Variants in EXOC6 observed in about 807,000 individuals in gnomAD.
The protein encoded by EXOC6 is SEC15-like 1.
In EXOC6, 60 loss-of-function variants were observed where a neutral mutation model predicts 112.5. The ratio of observed to expected loss-of-function variants is 0.53; its 90% CI spans 0.43 to 0.66. EXOC6 has a LOEUF of 0.66. Ranked by LOEUF, EXOC6 falls within the 30% of genes least tolerant of loss-of-function variation. The probability of loss-of-function intolerance (pLI) is 0.00; values close to 1 mark genes in which losing one functional copy is unlikely to be tolerated. For missense variants in EXOC6, 855 were observed against 957.1 expected, an observed-to-expected ratio of 0.89 and a Z score of 1.41; for synonymous variants, 295 against 308.0, an observed-to-expected ratio of 0.96 and a Z score of 0.44.
intron 17 of EXOC6, among the ~76,000 whole-genome samples, chr10:92,967,834 G>T (rs1842130257): frequency 6.6e-6 from 1 of 152,128 alleles, no homozygotes; most frequent in Non-Finnish European, 1.5e-5. Flanking sequence ...TGAGGTTTAG[G>T]GTTCTCTTAT....
chr10:93,033,100 G>A (rs1397875612), intron 20 of EXOC6, among the ~76,000 whole-genome samples: 1 of 152,100 alleles, frequency 6.6e-6, no homozygotes, highest in African/African-American at 2.4e-5. Context: ...TAAGGAGTTT[G>A]GATCATAGGT....
At chr10:92,962,817 G>A (rs1854086580) in intron 17 of EXOC6, among the ~76,000 whole-genome samples, 1 of 152,170 alleles carries the variant, frequency 6.6e-6, no homozygotes, top group Non-Finnish European at 1.5e-5. Flanking sequence ...GTGTGTAATA[G>A]TAGATGAATT....
rs76378219 is a variant in EXOC6 at position 92,863,093 on chromosome 10, A to G, written c.101+14459A>G. On this transcript the variant is annotated intron_variant, in intron 1 of 21. Coordinates refer to ENST00000260762, the MANE Select transcript of EXOC6 (RefSeq NM_019053.6). ...CTGTAGATGATGGACTTTAACAGCT[A>G]TGGCTAATTAATCAGTGTAACCAAT... Among the ~76,000 whole-genome samples, 441 of 152,348 alleles carry G rather than the reference A, an allele frequency of 2.9e-3. 2 individuals carry two copies. The highest frequency in any genetic ancestry group is 0.01 in the African/African-American group (421 of 41,574).
chr10:92,863,128 A>T (rs1847987395), intron 1 of EXOC6, among the ~76,000 whole-genome samples: 1 of 152,248 alleles, frequency 6.6e-6, no homozygotes, highest in Non-Finnish European at 1.5e-5. Flanking sequence ...TAATATGAGA[A>T]TGGAAGAGAG....
intron 1 of EXOC6, among the ~76,000 whole-genome samples, chr10:92,859,753 G>A (rs1376679139): frequency 1.3e-5 from 2 of 151,932 alleles, no homozygotes; most frequent in Non-Finnish European, 2.9e-5. Flanking sequence ...ACCTTAACCT[G>A]CAACAATCTT....
intron 1 of EXOC6, among the ~76,000 whole-genome samples, chr10:92,876,508 G>T (rs1848693290): frequency 2.0e-5 from 3 of 152,156 alleles, no homozygotes; most frequent in Non-Finnish European, 2.9e-5. Context: ...TTTAATCACT[G>T]TGCTTTGCCT....
intron 19 of EXOC6, 57 bp downstream of exon 19, chr10:92,997,672 A>G (rs1843556194): frequency 6.9e-7 from 1 of 1,455,600 alleles, no homozygotes; most frequent in East Asian, 2.4e-5. Context: ...CTTAAATTAT[A>G]TGAAAAAATG....
chr10:92,882,708 T>C (rs1050656221), intron 1 of EXOC6, among the ~76,000 whole-genome samples: 1 of 152,194 alleles, frequency 6.6e-6, no homozygotes. Context: ...CTCACATGGT[T>C]GTTACTGAAA....
chr10:92,864,688 T>G (rs754552420), intron 1 of EXOC6, among the ~76,000 whole-genome samples: 4 of 152,112 alleles, frequency 2.6e-5, no homozygotes, highest in Non-Finnish European at 5.9e-5. Context: ...AAGGGTGAAT[T>G]CTTTCTCTCT....
At chr10:92,966,557 C>G (rs1289534946) in intron 17 of EXOC6, among the ~76,000 whole-genome samples, 4 of 149,932 alleles carry the variant, frequency 2.7e-5, no homozygotes, top group African/African-American at 9.8e-5. Context: ...TTGGTCCTTG[C>G]GATAGTTTAC....
At chr10:92,931,474 T>A (rs190636526) in intron 9 of EXOC6, among the ~76,000 whole-genome samples, 1 of 151,878 alleles carries the variant, frequency 6.6e-6, no homozygotes, top group Non-Finnish European at 1.5e-5. Flanking sequence ...TGTGTAATGA[T>A]CAAATCAGAG....
intron 18 of EXOC6, among the ~76,000 whole-genome samples, chr10:92,985,271 C>T (rs569360447): frequency 1.8e-4 from 27 of 152,140 alleles, no homozygotes; most frequent in Admixed American, 1.3e-3. Context: ...TTTTCCATCC[C>T]GTTTCTCATT....
At chr10:92,885,951 A>G (rs1039988835) in intron 1 of EXOC6, among the ~76,000 whole-genome samples, 3 of 152,136 alleles carry the variant, frequency 2.0e-5, no homozygotes, top group African/African-American at 7.2e-5. Context: ...TAATTTTCTA[A>G]TGTTCGCTCT....
intron 18 of EXOC6, among the ~76,000 whole-genome samples, chr10:92,985,111 C>T (rs1268683207): frequency 6.6e-6 from 1 of 152,142 alleles, no homozygotes; most frequent in Non-Finnish European, 1.5e-5. Flanking sequence ...CCCCTCTGCT[C>T]TCCTGTGCTC....
intron 8 of EXOC6, 35 bp from the exon 9 acceptor site, chr10:92,928,304 G>A: frequency 8.3e-7 from 1 of 1,208,040 alleles, no homozygotes; most frequent in Non-Finnish European, 1.2e-6. Flanking sequence ...GTGTGTGTAT[G>A]TGTATTTTTC....
intron 20 of EXOC6, among the ~76,000 whole-genome samples, chr10:93,044,251 T>C (rs192467422): frequency 6.6e-6 from 1 of 152,342 alleles, no homozygotes; most frequent in Admixed American, 6.5e-5. Context: ...GGTAATTACA[T>C]ATACAATCAG....
intron 17 of EXOC6, among the ~76,000 whole-genome samples, chr10:92,958,049 AC>A (rs1291959832): frequency 2.6e-5 from 4 of 152,180 alleles, no homozygotes; most frequent in African/African-American, 9.7e-5. Context: ...ATATGCACAC[AC>A]AAGCTACCTG....
rs187418481 is a variant in EXOC6, at chr10:92,963,865, G to A, written c.1773+8151G>A. Among the ~76,000 whole-genome samples the A allele has an allele frequency of 3.2e-3, 493 of 152,056 alleles. 2 individuals are homozygous for A. Among genetic ancestry groups the A allele is most frequent in the African/African-American group, 0.011 (456 of 41,514 alleles). On this transcript the variant is annotated intron_variant, in intron 17 of 21. Transcript: ENST00000260762. ...TTGTAATTCCTACAAGCTTTTCATG[G>A]CTTTTAACTTTTGATTTCTTAGTTC...
At chr10:92,977,433 TTACCCAGGGATGATACTGTATTCC>T (rs1312426901) in intron 18 of EXOC6, among the ~76,000 whole-genome samples, 13 of 152,184 alleles carry the variant, frequency 8.5e-5, no homozygotes, top group African/African-American at 2.4e-4. Context: ...TTTTAGAAGC[TTACCCAGGGATGATACTGTATTCC>T]TACCCAGGGA....
Sources: gnomAD v4.1 joint callset for allele counts (sites outside exome capture counted in the v4.1 genomes callset) on GRCh38, gnomAD v4.1.1 for gene constraint, MANE v1.5 for transcripts, NCBI Gene and HGNC (gene_info 2026-07-23, HGNC 2026-07-21) for gene names.